TCEA1: variants seen among roughly 807,000 people sequenced by gnomAD.
TCEA1 encodes transcription elongation factor A protein 1.
TCEA1 carries 21 observed loss-of-function variants against 43.8 expected under a neutral mutation model. The ratio of observed to expected loss-of-function variants is 0.48; its 90% CI spans 0.34 to 0.69. TCEA1 has a LOEUF of 0.69. Among genes scored for constraint, TCEA1 ranks in the 30% least tolerant of loss-of-function variants. The pLI, the probability that TCEA1 is intolerant of heterozygous loss-of-function variation, is 0.01. For synonymous variants in TCEA1, 104 were observed against 117.5 expected (o/e 0.88, Z 0.75); for missense variants, 250 against 365.1 (o/e 0.68, Z 2.57).
rs1258849935 is a variant in TCEA1, at chr8:53,979,055, T to C, written c.795A>G (p.Lys265=). Residue 265 remains lysine, a synonymous_variant, in exon 8 of 10, where the codon AAA becomes AAG. Coordinates refer to ENST00000521604, the MANE Select transcript of TCEA1 (RefSeq NM_006756.4). ...GTQTDLFTCG[K]CKKKNCTYTQ... The stretch of plus-strand genomic sequence containing the variant: ...TGTAAGTGCAATTCTTCTTTTTACA[T>C]TTGCCACATGTGAACAAGTCAGTCT... The C allele has an allele frequency of 6.2e-7, 1 of 1,612,036 alleles. No individual in the cohort carries two copies. Among genetic ancestry groups the C allele is most frequent in the Admixed American group, 1.7e-5 (1 of 60,004 alleles).
Position 53,979,085 on chromosome 8 carries a change from C to T in TCEA1, c.765G>A (p.Gly255=). Residue 255 remains glycine, a synonymous_variant, in exon 8 of 10, where the codon GGG becomes GGA. Transcript: ENST00000521604. The part of the protein sequence containing the change: ...IREHQMAKTG[G]TQTDLFTCGK... ...CACATGTGAACAAGTCAGTCTGGGT[C>T]CCACCAGTCTTGGCCATCTGATGCT... is the stretch of plus-strand genomic sequence containing the variant. The T allele has an allele frequency of 6.2e-7, 1 of 1,613,730 alleles. No individual in the cohort carries two copies. Among genetic ancestry groups the T allele is most frequent in the South Asian group, 1.1e-5 (1 of 91,044 alleles).
chr8:54,001,971 C>T (rs1271290004), intron 2 of TCEA1, among the ~76,000 whole-genome samples: 1 of 127,982 alleles, frequency 7.8e-6, no homozygotes, highest in Non-Finnish European at 1.5e-5. Flanking sequence ...GTAAAACTGT[C>T]TCTACTAAAA....
intron 1 of TCEA1, among the ~76,000 whole-genome samples, chr8:54,019,265 A>G (rs565508026): frequency 6.6e-6 from 1 of 152,282 alleles, no homozygotes; most frequent in East Asian, 1.9e-4. Context: ...GACAACTATT[A>G]CTCTTCAAAG....
intron 1 of TCEA1, among the ~76,000 whole-genome samples, chr8:54,017,160 G>A (rs1804858422): frequency 1.3e-5 from 2 of 152,108 alleles, no homozygotes; most frequent in African/African-American, 4.8e-5. Flanking sequence ...GCTGAATGAG[G>A]AGTGACTGCT....
At chr8:54,020,712 G>A (rs1447599629) in intron 1 of TCEA1, among the ~76,000 whole-genome samples, 1 of 152,174 alleles carries the variant, frequency 6.6e-6, no homozygotes, top group Admixed American at 6.5e-5. Context: ...AGTCACAAAA[G>A]AATTTTGAGC....
At chr8:53,977,767 G>A (rs1019467028) in intron 8 of TCEA1, among the ~76,000 whole-genome samples, 2 of 152,000 alleles carry the variant, frequency 1.3e-5, no homozygotes, top group African/African-American at 2.4e-5. Flanking sequence ...GTTTTCAGCT[G>A]TTAAAGAATA....
chr8:54,007,308 A>G (rs1193143806), intron 2 of TCEA1, among the ~76,000 whole-genome samples: 2 of 152,138 alleles, frequency 1.3e-5, no homozygotes, highest in Non-Finnish European at 2.9e-5. Context: ...TTTTAAATGT[A>G]AGATAGTAAT....
intron 8 of TCEA1, among the ~76,000 whole-genome samples, chr8:53,977,302 AGAGT>A (rs1175660981): frequency 5.9e-5 from 9 of 152,240 alleles, no homozygotes; most frequent in Admixed American, 5.9e-4. Flanking sequence ...CCTGGGCAAT[AGAGT>A]GAGACTCTGT....
chr8:54,005,818 A>G (rs73681805), intron 2 of TCEA1, among the ~76,000 whole-genome samples: 19,160 of 152,166 alleles, frequency 0.13, 3,180 homozygotes, highest in African/African-American at 0.39. Flanking sequence ...ATCTGGTCAC[A>G]TACTCCCCTG....
chr8:54,009,166 CAA>C (rs370810534), intron 2 of TCEA1, among the ~76,000 whole-genome samples: 3 of 91,322 alleles, frequency 3.3e-5, no homozygotes, highest in African/African-American at 4.1e-5. Flanking sequence ...ATTAAAAAGA[CAA>C]AAAAAAAAAA....
intron 4 of TCEA1, among the ~76,000 whole-genome samples, chr8:53,989,083 CAAAAAG>C (rs1803787568): frequency 6.6e-6 from 1 of 150,986 alleles, no homozygotes; most frequent in Admixed American, 6.6e-5. Flanking sequence ...AAAAAAAGAA[CAAAAAG>C]AAAAAGGAAA....
chr8:53,993,066 C>T (rs1199553621), intron 4 of TCEA1, among the ~76,000 whole-genome samples: 1 of 151,458 alleles, frequency 6.6e-6, no homozygotes, highest in Non-Finnish European at 1.5e-5. Flanking sequence ...AATTCTCCCA[C>T]CCCAGCCTCC....
intron 8 of TCEA1, among the ~76,000 whole-genome samples, chr8:53,976,855 C>T (rs933694389): frequency 2.2e-4 from 33 of 152,040 alleles, no homozygotes; most frequent in African/African-American, 8.0e-4. Flanking sequence ...AGTAGTAAAA[C>T]TGCTACAAAA....
chr8:54,009,623 C>T (rs1186990397), intron 2 of TCEA1: 1 of 152,028 alleles, frequency 6.6e-6, no homozygotes, highest in East Asian at 1.9e-4. Flanking sequence ...GTGAGCCTCA[C>T]AAAGATAGAA....
rs964133431 is a variant in TCEA1 at position 54,007,420 on chromosome 8, A to G, written c.126+3010T>C. On this transcript the variant is annotated intron_variant, in intron 2 of 9. Transcript: ENST00000521604. ...GGTCTTGAACTGCTGGGCTCAAGCA[A>G]TCCTCTAGCCTCGATCTCCCAAGGT... is the stretch of plus-strand genomic sequence containing the variant. 6.6e-5 allele frequency among the ~76,000 whole-genome samples: 10 copies of G among 152,124 alleles called. No homozygotes were observed. The South Asian group carries it at 1.0e-3, about 16-fold the overall frequency.
At position 54,022,392 on chromosome 8, in the gene TCEA1, G is replaced by A. The variant is rs972463735; in HGVS notation, c.-267C>T. 2.3e-5 allele frequency: 12 copies of A among 513,170 alleles called. No homozygotes were observed. Among genetic ancestry groups the A allele is most frequent in the Admixed American group, 7.8e-5 (2 of 25,602 alleles). The allele number at this position is 513,170 out of a possible 1,614,324, so 31.8% of individuals were successfully genotyped here. A position where few individuals can be genotyped will look rare whatever the true frequency, so the allele number is the denominator to read the frequency against. On this transcript the variant is annotated 5_prime_UTR_variant, in exon 1 of 10. Transcript: ENST00000521604. ...TGACTGCAGATCGCTGGTGAGGGGCGAGCCCATGTTCCCGCCAGGCGGGCG... is the reference window on the plus strand; with the variant it reads ...TGACTGCAGATCGCTGGTGAGGGGCAAGCCCATGTTCCCGCCAGGCGGGCG...
intron 4 of TCEA1, among the ~76,000 whole-genome samples, chr8:53,991,210 T>C (rs1293126720): frequency 6.6e-6 from 1 of 151,790 alleles, no homozygotes; most frequent in Non-Finnish European, 1.5e-5. Context: ...CTGGTCAACA[T>C]GATGAAACCC....
chr8:53,980,365 G>A (rs1803465937), intron 7 of TCEA1, among the ~76,000 whole-genome samples: 1 of 152,104 alleles, frequency 6.6e-6, no homozygotes, highest in African/African-American at 2.4e-5. Flanking sequence ...TCATTTTATT[G>A]CACTTTGCAG....
chr8:53,969,267 G>A (rs1301090771), intron 9 of TCEA1, among the ~76,000 whole-genome samples: 1 of 152,140 alleles, frequency 6.6e-6, no homozygotes, highest in Non-Finnish European at 1.5e-5. Flanking sequence ...TCCAGCCTGG[G>A]CAACACAGTG....
Sources: allele counts gnomAD v4.1 joint callset (sites outside exome capture counted in the v4.1 genomes callset), GRCh38; gene constraint gnomAD v4.1.1; transcripts MANE v1.5; gene names NCBI Gene and HGNC (gene_info 2026-07-23, HGNC 2026-07-21).